PDE3B: variants seen among roughly 807,000 people sequenced by gnomAD.
PDE3B encodes cGMP-inhibited 3',5'-cyclic phosphodiesterase 3B.
In PDE3B, 66 loss-of-function variants were observed where a neutral mutation model predicts 116.8. The ratio of observed to expected loss-of-function variants is 0.56; its 90% CI spans 0.46 to 0.69. The LOEUF (loss-of-function observed/expected upper bound fraction) is 0.69, where lower values mean the gene tolerates loss of function less well. Among genes scored for constraint, PDE3B ranks in the 30% least tolerant of loss-of-function variants. The pLI, the probability that PDE3B is intolerant of heterozygous loss-of-function variation, is 0.00. For missense variants in PDE3B, 1,384 were observed against 1,368.1 expected, an observed-to-expected ratio of 1.01 and a Z score of -0.18; for synonymous variants, 595 against 533.6, an observed-to-expected ratio of 1.12 and a Z score of -1.59.
intron 1 of PDE3B, among the ~76,000 whole-genome samples, chr11:14,687,551 G>T (rs1383584684): frequency 6.6e-6 from 1 of 152,044 alleles, no homozygotes; most frequent in South Asian, 2.1e-4. Flanking sequence ...AATTTGATTG[G>T]TTTTTCTGTC....
At position 14,644,668 on chromosome 11, in the gene PDE3B, T is replaced by C; in HGVS notation, c.593T>C (p.Leu198Pro). 2 of 1,499,854 alleles carry C rather than the reference T, an allele frequency of 1.3e-6. No homozygotes were observed. The highest frequency in any genetic ancestry group is 1.8e-4 in the Middle Eastern group (1 of 5,638). The allele number at this position is 1,499,854 out of a possible 1,614,324, so 92.9% of individuals were successfully genotyped here. The change falls in exon 1 of 16, where the codon CTG becomes CCG. Residue 198 changes from leucine to proline, a missense_variant. Physicochemically the swap from Leu to Pro is moderately conservative, Grantham distance 98 (BLOSUM62 -3). Transcript: ENST00000282096. ...CCGGAGGCGGCAGCGGGCAGGTTGC[T>C]GCTGGTGCTGAGCTGCGTAGGGCTG... is the stretch of plus-strand genomic sequence containing the variant. ...TPPEAAAGRL[L>P]LVLSCVGLLL... is the part of the protein sequence containing the mutation.
intron 1 of PDE3B, among the ~76,000 whole-genome samples, chr11:14,727,694 T>C (rs945952305): frequency 4.6e-5 from 7 of 152,148 alleles, no homozygotes; most frequent in African/African-American, 1.7e-4. Context: ...AATTACATAA[T>C]GAATGGAATA....
rs1853336451 is a variant in PDE3B, at chr11:14,644,812, C to T, written c.737C>T (p.Pro246Leu). ...GGGTCGCTGCCCTCCGCCCTCAGGC[C>T]GCTGCTCTCCGGCCTGGTGGGGGGC... ...SLGSLPSALR[P>L]LLSGLVGGAG... Residue 246 changes from proline (P) to leucine (L), a missense_variant, in exon 1 of 16, where the codon CCG becomes CTG. Transcript: ENST00000282096. 1 of 1,611,486 alleles carries T rather than the reference C, an allele frequency of 6.2e-7. No homozygotes were observed. Among genetic ancestry groups the T allele is most frequent in the African/African-American group, 1.3e-5 (1 of 74,860 alleles).
chr11:14,885,679 G>A, the PDE3B span: 4 of 1,281,142 alleles, frequency 3.1e-6, no homozygotes, highest in South Asian at 5.0e-5. Flanking sequence ...TTATTAATCA[G>A]TATAAAATAA....
chr11:14,777,481 G>C (rs1246008750), intron 2 of PDE3B, among the ~76,000 whole-genome samples: 1 of 152,082 alleles, frequency 6.6e-6, no homozygotes, highest in Non-Finnish European at 1.5e-5. Context: ...TAAAGACAAA[G>C]AAAATATCTT....
intron 1 of PDE3B, among the ~76,000 whole-genome samples, chr11:14,675,225 G>C (rs78607841): frequency 1.3e-5 from 2 of 152,280 alleles, no homozygotes; most frequent in East Asian, 3.9e-4. Context: ...GTCTCCTAAA[G>C]AGAGGTAACT....
intron 1 of PDE3B, among the ~76,000 whole-genome samples, chr11:14,660,730 G>C (rs1853875417): frequency 6.6e-6 from 1 of 152,150 alleles, no homozygotes; most frequent in Non-Finnish European, 1.5e-5. Context: ...TATAATAGCT[G>C]CTTCGGGAGT....
the PDE3B span, chr11:14,885,834 G>A: frequency 1.6e-5 from 26 of 1,613,416 alleles, no homozygotes; most frequent in African/African-American, 1.3e-4. Flanking sequence ...CAAAAATTTC[G>A]CTTTGATGAA....
At chr11:14,651,534 T>C (rs574564119) in intron 1 of PDE3B, among the ~76,000 whole-genome samples, 29 of 152,234 alleles carry the variant, frequency 1.9e-4, no homozygotes, top group Non-Finnish European at 3.7e-4. Context: ...ATATTTTTGC[T>C]ATCAGTGAGT....
chr11:14,754,231 G>T (rs1857127211), intron 1 of PDE3B, among the ~76,000 whole-genome samples: 2 of 151,852 alleles, frequency 1.3e-5, no homozygotes, highest in South Asian at 4.2e-4. Context: ...TAAATAATTG[G>T]GTAATTTAAT....
At chr11:14,826,771 G>T (rs1859706789) in intron 7 of PDE3B, among the ~76,000 whole-genome samples, 1 of 137,894 alleles carries the variant, frequency 7.3e-6, no homozygotes, top group Non-Finnish European at 1.5e-5. Flanking sequence ...AGGACTGAAA[G>T]TATTACAAAA....
chr11:14,880,673 C>G, the PDE3B span: 1 of 1,597,576 alleles, frequency 6.3e-7, no homozygotes, highest in Non-Finnish European at 8.5e-7. Context: ...ATTTTAGATT[C>G]AAAAGACTTT....
chr11:14,707,431 T>C (rs1855566336), intron 1 of PDE3B, among the ~76,000 whole-genome samples: 1 of 152,018 alleles, frequency 6.6e-6, no homozygotes, highest in South Asian at 2.1e-4. Flanking sequence ...TGGGCATCAT[T>C]TCTTACTGAG....
At chr11:14,876,992 A>G (rs1337914401), downstream of PDE3B, among the ~76,000 whole-genome samples, 4 of 152,150 alleles carry the variant, frequency 2.6e-5, no homozygotes, top group Non-Finnish European at 5.9e-5. Context: ...TTCAACAACT[A>G]AGTCCAAACT....
chr11:14,770,361 G>A (rs1475276431), intron 1 of PDE3B, among the ~76,000 whole-genome samples: 1 of 151,392 alleles, frequency 6.6e-6, no homozygotes, highest in African/African-American at 2.4e-5. Flanking sequence ...GCTAAAATAA[G>A]GGCAGAAGTA....
chr11:14,848,926 G>T (rs1173881371), intron 12 of PDE3B, among the ~76,000 whole-genome samples: 2 of 152,182 alleles, frequency 1.3e-5, no homozygotes, highest in Non-Finnish European at 2.9e-5. Flanking sequence ...GTAATTTATA[G>T]ATTCAATGCC....
In PDE3B at chr11:14,713,244, A is replaced by G. The variant is rs558121792; in HGVS notation, c.979-58693A>G. 4.9e-4 allele frequency among the ~76,000 whole-genome samples: 74 copies of G among 152,322 alleles called. No homozygotes were observed. In the South Asian group the frequency reaches 0.015, roughly 32 times the overall value. On this transcript the variant is annotated intron_variant, in intron 1 of 15. Transcript: ENST00000282096. ...ATTAAGTGCCTTGTGCTGAGTATCA[A>G]CTAAGTGTTTTAAGATCAGAGTCCA...
intron 7 of PDE3B, among the ~76,000 whole-genome samples, chr11:14,820,358 A>G (rs577752796): frequency 6.6e-6 from 1 of 152,114 alleles, no homozygotes. Context: ...AGCCAGGCCC[A>G]AAAGATCATA....
At chr11:14,770,314 G>A (rs1857604096) in intron 1 of PDE3B, among the ~76,000 whole-genome samples, 1 of 151,318 alleles carries the variant, frequency 6.6e-6, no homozygotes, top group Non-Finnish European at 1.5e-5. Context: ...TGGAGAATAG[G>A]GTAGTTGACA....
Sources: gnomAD v4.1 joint callset for allele counts (sites outside exome capture counted in the v4.1 genomes callset) on GRCh38, gnomAD v4.1.1 for gene constraint, MANE v1.5 for transcripts, NCBI Gene and HGNC (gene_info 2026-07-23, HGNC 2026-07-21) for gene names.